TLR6: variants seen among roughly 807,000 people sequenced by gnomAD.
TLR6 encodes toll like receptor 6.
In TLR6, 9 loss-of-function variants were observed where a neutral mutation model predicts 16.1. That is an observed-to-expected ratio of 0.56 (90% CI 0.34 to 0.98). The LOEUF (loss-of-function observed/expected upper bound fraction) is 0.98, where lower values mean the gene tolerates loss of function less well. Ranked by LOEUF, TLR6 falls within the 50% of genes least tolerant of loss-of-function variation. The pLI, the probability that TLR6 is intolerant of heterozygous loss-of-function variation, is 0.02. For missense variants in TLR6, 786 were observed against 921.0 expected, an observed-to-expected ratio of 0.85 and a Z score of 1.90; for synonymous variants, 340 against 338.6, an observed-to-expected ratio of 1.00 and a Z score of -0.04.
chr4:38,867,205 T>TC, the TLR6 span, among the ~76,000 whole-genome samples: 12 of 152,036 alleles, frequency 7.9e-5, no homozygotes, highest in African/African-American at 2.7e-4. Context: ...GTCTCCGGCT[T>TC]CCCCCCGCAG....
chr4:38,833,038 G>C (rs554588375), intron 1 of TLR6, among the ~76,000 whole-genome samples: 4 of 152,160 alleles, frequency 2.6e-5, no homozygotes, highest in African/African-American at 9.6e-5. Flanking sequence ...GCCACACAGG[G>C]TGTGGCACAT....
the TLR6 span, chr4:38,867,779 G>A: frequency 3.3e-5 from 5 of 151,444 alleles, no homozygotes; most frequent in African/African-American, 9.7e-5. Context: ...CGGCCCTGCA[G>A]ACGTGGCGGG....
At chr4:38,847,422 C>T (rs1009036818) in intron 1 of TLR6, among the ~76,000 whole-genome samples, 7 of 151,986 alleles carry the variant, frequency 4.6e-5, no homozygotes, top group African/African-American at 1.4e-4. Flanking sequence ...CACTGGGGCC[C>T]GTCGGACAGT....
exon 2 of TLR6, chr4:38,829,503 T>C: frequency 1.4e-6 from 2 of 1,422,228 alleles, no homozygotes; most frequent in Non-Finnish European, 1.9e-6. Context: ...TAAAGGGTTG[T>C]TCTTCTTCAG....
At chr4:38,862,112 C>T in the TLR6 span, among the ~76,000 whole-genome samples, 3 of 152,186 alleles carry the variant, frequency 2.0e-5, no homozygotes, top group African/African-American at 7.2e-5. Flanking sequence ...TGCATGAGTT[C>T]TACCTGAACT....
chr4:38,867,697 C>A, the TLR6 span: 1 of 151,304 alleles, frequency 6.6e-6, no homozygotes, highest in East Asian at 1.9e-4. Flanking sequence ...CCCCGCGGCG[C>A]TCCTCGTGGG....
At chr4:38,849,906 C>A (rs557722385) in intron 1 of TLR6, among the ~76,000 whole-genome samples, 1 of 152,282 alleles carries the variant, frequency 6.6e-6, no homozygotes, top group Admixed American at 6.5e-5. Flanking sequence ...ATCTACAGAA[C>A]TCTCCACCCC....
chr4:38,841,452 A>G (rs1046570031), intron 1 of TLR6, among the ~76,000 whole-genome samples: 1 of 152,178 alleles, frequency 6.6e-6, no homozygotes, highest in African/African-American at 2.4e-5. Context: ...TTATCCAGGC[A>G]TAGTGGTGCC....
chr4:38,857,130 C>G (rs114597817), upstream of TLR6, among the ~76,000 whole-genome samples: 2 of 152,278 alleles, frequency 1.3e-5, no homozygotes, highest in Non-Finnish European at 2.9e-5. Flanking sequence ...TTTTAAACAG[C>G]CTGTTTTCTA....
chr4:38,862,472 G>A, the TLR6 span, among the ~76,000 whole-genome samples: 1 of 151,924 alleles, frequency 6.6e-6, no homozygotes, highest in Admixed American at 6.6e-5. Context: ...GTACAGACGG[G>A]GTTTTGCCAT....
intron 1 of TLR6, among the ~76,000 whole-genome samples, chr4:38,844,919 C>T (rs1468941390): frequency 2.6e-5 from 4 of 151,992 alleles, no homozygotes; most frequent in South Asian, 2.1e-4. Flanking sequence ...ATTAGCCAGG[C>T]GTGGTGGTAC....
intron 1 of TLR6, among the ~76,000 whole-genome samples, chr4:38,831,293 C>CA (rs59585432): frequency 0.53 from 74,302 of 140,340 alleles, 19,068 homozygotes; most frequent in East Asian, 0.66. Flanking sequence ...CCTCCACATG[C>CA]AAAAAAAAAA....
At chr4:38,849,033 G>A (rs1273732670) in intron 1 of TLR6, among the ~76,000 whole-genome samples, 1 of 152,186 alleles carries the variant, frequency 6.6e-6, no homozygotes, top group Non-Finnish European at 1.5e-5. Flanking sequence ...AGAGAGAAAG[G>A]TTGGGTTACC....
chr4:38,827,835 C>G, exon 2 of TLR6: 1 of 1,614,202 alleles, frequency 6.2e-7, no homozygotes, highest in Non-Finnish European at 8.5e-7. Context: ...TCACTTGATA[C>G]TTGGTCTATA....
intron 1 of TLR6, among the ~76,000 whole-genome samples, chr4:38,842,101 G>A (rs1023097103): frequency 6.6e-6 from 1 of 151,994 alleles, no homozygotes; most frequent in Admixed American, 6.6e-5. Flanking sequence ...ACCCAAACCC[G>A]ACTTTCTGAT....
chr4:38,849,956 A>G (rs934362441), intron 1 of TLR6, among the ~76,000 whole-genome samples: 2 of 151,840 alleles, frequency 1.3e-5, no homozygotes, highest in Non-Finnish European at 2.9e-5. Context: ...ACCACACTGC[A>G]CTTATTGATA....
intron 1 of TLR6, among the ~76,000 whole-genome samples, chr4:38,832,497 C>T (rs1711658519): frequency 6.6e-6 from 1 of 152,204 alleles, no homozygotes; most frequent in Non-Finnish European, 1.5e-5. Flanking sequence ...CCTTCACATG[C>T]CCTGGGGCTG....
chr4:38,827,054 G>A (rs200689482), exon 2 of TLR6: 9 of 1,488,120 alleles, frequency 6.0e-6, no homozygotes, highest in Non-Finnish European at 8.1e-6. Flanking sequence ...GTAAATAATG[G>A]TTTCTTAAGT....
upstream of TLR6, among the ~76,000 whole-genome samples, chr4:38,860,214 G>A (rs1713165709): frequency 6.6e-6 from 1 of 152,136 alleles, no homozygotes; most frequent in Non-Finnish European, 1.5e-5. Context: ...GCTCACACTT[G>A]TAATCTCAGC....
Sources: gnomAD v4.1 joint callset for allele counts (sites outside exome capture counted in the v4.1 genomes callset) on GRCh38, gnomAD v4.1.1 for gene constraint, MANE v1.5 for transcripts, NCBI Gene and HGNC (gene_info 2026-07-23, HGNC 2026-07-21) for gene names.